Variants in ZC3H14 observed in about 807,000 individuals in gnomAD.
ZC3H14 encodes zinc finger CCCH domain-containing protein 14.
A neutral mutation model predicts 92.4 loss-of-function variants in ZC3H14; 31 were observed. That is an observed-to-expected ratio of 0.34 (90% CI 0.25 to 0.45). The LOEUF (loss-of-function observed/expected upper bound fraction) is 0.45, where lower values mean the gene tolerates loss of function less well. ZC3H14 is among the 20% of genes least tolerant of loss of function. ZC3H14 has a pLI of 1.00. For missense variants in ZC3H14, 781 were observed against 897.3 expected (o/e 0.87, Z 1.66); for synonymous variants, 321 against 300.9 (o/e 1.07, Z -0.69).
chr14:88,564,953 G>A (rs2079378065), intron 2 of ZC3H14, among the ~76,000 whole-genome samples: 1 of 152,086 alleles, frequency 6.6e-6, no homozygotes. Flanking sequence ...CATACACTAG[G>A]ATATTTGGCA....
At chr14:88,563,593 C>A in intron 1 of ZC3H14, 58 bp from the exon 2 acceptor site, 10 of 1,602,430 alleles carry the variant, frequency 6.2e-6, no homozygotes, top group Non-Finnish European at 8.6e-6. Context: ...CTGCAGAGTC[C>A]GGTCTTGTTT....
Position 88,613,511 on chromosome 14 carries a change from TG to T in ZC3H14, c.*1761del, listed in dbSNP as rs1185760603. On this transcript the variant is annotated 3_prime_UTR_variant, in exon 17 of 17. Coordinates refer to ENST00000251038, the MANE Select transcript of ZC3H14 (RefSeq NM_024824.5). ...AAATAATAAAATACTAAAATCTGAT[TG>T]TTTTTTGCTATTTAATAGCCACTGC... The T allele has an allele frequency of 6.6e-6, 1 of 152,188 alleles. No homozygotes were observed. Among genetic ancestry groups the T allele is most frequent in the Non-Finnish European group, 1.5e-5 (1 of 68,034 alleles). 9.4% of individuals were successfully genotyped at this position (152,188 alleles called of 1,614,324 possible). A position where few individuals can be genotyped will look rare whatever the true frequency, so the allele number is the denominator to read the frequency against.
In ZC3H14 at chr14:88,610,805, ATTGTTGAAGCTCTG is replaced by A; in HGVS notation, c.2098-26_2098-13del. On this transcript the variant is annotated splice_polypyrimidine_tract_variant and intron_variant, in intron 15 of 16. Transcript: ENST00000251038. ...GTTTACTTATATTAGCCTTGTGGAT[ATTGTTGAAGCTCTG>A]TTATCTCTATTCAGCATTGTAGGTT... 6.3e-7 allele frequency: 1 copy of A among 1,585,242 alleles called. No individual in the cohort carries two copies. Among genetic ancestry groups the A allele is most frequent in the Non-Finnish European group, 8.7e-7 (1 of 1,153,844 alleles).
At chr14:88,580,119 C>CA (rs1566921010) in intron 9 of ZC3H14, among the ~76,000 whole-genome samples, 5 of 151,696 alleles carry the variant, frequency 3.3e-5, no homozygotes, top group Non-Finnish European at 5.9e-5. Flanking sequence ...TGCTGGAGCC[C>CA]GGGAGGCTGA....
Position 88,574,801 on chromosome 14 carries a change from C to G in ZC3H14, c.970C>G (p.Arg324Gly). 2 of 1,614,156 alleles carry G rather than the reference C, an allele frequency of 1.2e-6. No homozygotes were observed. The highest frequency in any genetic ancestry group is 1.1e-5 in the South Asian group (1 of 91,078). ...EEEEDDDYGSRTGSISSSVSV... is the reference protein window; with the variant it reads ...EEEEDDDYGSGTGSISSSVSV... ...GGAAGAAGATGATGATTACGGGTCT[C>G]GAACAGGAAGCATCTCCAGCAGTGT... Residue 324 changes from arginine (R) to glycine (G), a missense_variant, in exon 7 of 17, where the codon CGA (arginine) becomes GGA (glycine). Coordinates refer to ENST00000251038, the MANE Select transcript of ZC3H14 (RefSeq NM_024824.5).
chr14:88,581,455 GGAGGCTGAGCCAGGA>G (rs2081901584), intron 9 of ZC3H14, among the ~76,000 whole-genome samples: 1 of 152,128 alleles, frequency 6.6e-6, no homozygotes, highest in South Asian at 2.1e-4. Flanking sequence ...TAGCTACTCG[GGAGGCTGAGCCAGGA>G]GAATCGCTTG....
rs1019352075 is a variant in ZC3H14 at position 88,625,271 on chromosome 14, C to T, written c.*13520C>T. The T allele has an allele frequency of 1.4e-5, 13 of 936,396 alleles. No individual in the cohort carries two copies. The highest frequency in any genetic ancestry group is 2.0e-5 in the South Asian group (1 of 50,950). 58.0% of individuals were successfully genotyped at this position (936,396 alleles called of 1,614,324 possible). The stretch of plus-strand genomic sequence containing the variant: ...TGTAGTGGCAGCAGCACTGAATTCA[C>T]GAGTCAGGAAACCTGAACGGGAGGC... On this transcript the variant is annotated 3_prime_UTR_variant, in exon 17 of 17. Transcript: ENST00000251038.
rs776923929 is a variant in ZC3H14 at position 88,615,888 on chromosome 14, TTA to T, written c.*4139_*4140del. The T allele has an allele frequency of 1.9e-6, 3 of 1,596,974 alleles. No homozygotes were observed. In the East Asian group the frequency reaches 6.7e-5, roughly 36 times the overall value. On this transcript the variant is annotated 3_prime_UTR_variant, in exon 17 of 17. Transcript: ENST00000251038. ...AGAGAAGAAAATTGCAGGGAGTTAA[TTA>T]TGTTTTTAGATTTTCATAACAGTTT...
chr14:88,594,517 T>G, intron 9 of ZC3H14: 1 of 1,407,682 alleles, frequency 7.1e-7, no homozygotes. Context: ...TTTTCACATT[T>G]AGTTTTGAAT....
intron 9 of ZC3H14, among the ~76,000 whole-genome samples, chr14:88,578,781 G>GTTTTTTTTTTTTTTTTTTTTTTTT (rs35101368): frequency 1.3e-5 from 1 of 76,816 alleles, no homozygotes; most frequent in South Asian, 6.0e-4. Flanking sequence ...TTGCTTCCAG[G>GTTTTTTTTTTTTTTTTTTTTTTTT]TTTTTTTTTT....
intron 9 of ZC3H14, among the ~76,000 whole-genome samples, chr14:88,596,494 C>T (rs2083839427): frequency 6.6e-6 from 1 of 152,160 alleles, no homozygotes; most frequent in African/African-American, 2.4e-5. Flanking sequence ...AAACTGATGT[C>T]CTCATAGAGG....
chr14:88,564,345 T>C (rs930492966), intron 2 of ZC3H14, among the ~76,000 whole-genome samples: 1 of 152,220 alleles, frequency 6.6e-6, no homozygotes, highest in Non-Finnish European at 1.5e-5. Context: ...AACTATTGTA[T>C]ATGTATTAAC....
chr14:88,579,561 A>G (rs186129948), intron 9 of ZC3H14, among the ~76,000 whole-genome samples: 1 of 152,342 alleles, frequency 6.6e-6, no homozygotes, highest in East Asian at 1.9e-4. Context: ...CAGATGGAGC[A>G]GGGAAACAGA....
Position 88,601,062 on chromosome 14 carries a change from T to C in ZC3H14, c.1355-862T>C, listed in dbSNP as rs945982298. Among the ~76,000 whole-genome samples, 5 of 152,220 alleles carry C rather than the reference T, an allele frequency of 3.3e-5. 1 individual carries two copies. Among genetic ancestry groups the C allele is most frequent in the Admixed American group, 6.5e-5 (1 of 15,278 alleles). ...GCTAAGCTTTTCGTTGGTTCTTGGC[T>C]GGAGTGGGCTGTTCTGTATTCTCAG... On this transcript the variant is annotated intron_variant, in intron 10 of 16. Coordinates refer to ENST00000251038, the MANE Select transcript of ZC3H14 (RefSeq NM_024824.5).
Position 88,612,004 on chromosome 14 carries a change from A to G in ZC3H14, c.*253A>G, listed in dbSNP as rs1339728850. The G allele has an allele frequency of 1.8e-6, 1 of 541,172 alleles. No individual in the cohort carries two copies. The highest frequency in any genetic ancestry group is 3.3e-6 in the Non-Finnish European group (1 of 304,622). The allele number at this position is 541,172 out of a possible 1,614,324, so 33.5% of individuals were successfully genotyped here. A position where few individuals can be genotyped will look rare whatever the true frequency, so the allele number is the denominator to read the frequency against. On this transcript the variant is annotated 3_prime_UTR_variant, in exon 17 of 17. Coordinates refer to ENST00000251038, the MANE Select transcript of ZC3H14 (RefSeq NM_024824.5). ...TTAAGGAAGAGCTAAATTCTGTTAA[A>G]ATATTTGGGGCATGTTTGTGCACTG...
In ZC3H14 at chr14:88,618,538, G is replaced by C; in HGVS notation, c.*6787G>C. ...AGCTGTAGGTCAGAAGGTACAAAGG[G>C]AGGAGTTGAGAAGCTGGAGCTCTGG... On this transcript the variant is annotated 3_prime_UTR_variant, in exon 17 of 17. Transcript: ENST00000251038. 1 of 1,282,272 alleles carries C rather than the reference G, an allele frequency of 7.8e-7. No homozygotes were observed. The highest frequency in any genetic ancestry group is 1.1e-6 in the Non-Finnish European group (1 of 937,524). 79.4% of individuals were successfully genotyped at this position (1,282,272 alleles called of 1,614,324 possible). A position where few individuals can be genotyped will look rare whatever the true frequency, so the allele number is the denominator to read the frequency against.
At chr14:88,587,790 T>A (rs917191581) in intron 9 of ZC3H14, among the ~76,000 whole-genome samples, 4 of 151,870 alleles carry the variant, frequency 2.6e-5, no homozygotes, top group South Asian at 2.1e-4. Flanking sequence ...ATATATATAT[T>A]TTAATGTTTT....
chr14:88,616,339 G>C lies in ZC3H14; in HGVS notation c.*4588G>C, dbSNP rs2087610686. On this transcript the variant is annotated 3_prime_UTR_variant, in exon 17 of 17. Coordinates refer to ENST00000251038, the MANE Select transcript of ZC3H14 (RefSeq NM_024824.5). Reference sequence around the variant, plus strand: ...TAATCTCTATGACAAGAGCTGTGGAGAGAGTAGGGAGTTAGCACCGCAGCC... The same window carrying C: ...TAATCTCTATGACAAGAGCTGTGGACAGAGTAGGGAGTTAGCACCGCAGCC... The C allele has an allele frequency of 2.9e-5, 35 of 1,195,016 alleles. No homozygotes were observed. Among genetic ancestry groups the C allele is most frequent in the Non-Finnish European group, 3.9e-5 (32 of 810,286 alleles). 74.0% of individuals were successfully genotyped at this position (1,195,016 alleles called of 1,614,324 possible).
intron 1 of ZC3H14, 101 bp from the exon 2 acceptor site, chr14:88,563,550 G>C (rs1003362174): frequency 3.8e-6 from 6 of 1,582,228 alleles, no homozygotes; most frequent in Non-Finnish European, 5.2e-6. Flanking sequence ...CGGGGGATCC[G>C]AGGTGCGCGC....
Sources: gnomAD v4.1 joint callset for allele counts (sites outside exome capture counted in the v4.1 genomes callset) on GRCh38, gnomAD v4.1.1 for gene constraint, MANE v1.5 for transcripts, NCBI Gene and HGNC (gene_info 2026-07-23, HGNC 2026-07-21) for gene names.